The following UBE2C variants were observed in gnomAD, a reference collection of about 807,000 sequenced individuals.
UBE2C encodes the protein ubiquitin-conjugating enzyme E2 C.
A neutral mutation model predicts 23.5 loss-of-function variants in UBE2C; 16 were observed. The observed-to-expected ratio is 0.68, with a 90% CI of 0.46 to 1.03. UBE2C has a LOEUF of 1.03. UBE2C is among the 50% of genes least tolerant of loss of function. The pLI is 0.00. For synonymous variants in UBE2C, 76 were observed against 91.6 expected (o/e 0.83, Z 0.97); for missense variants, 192 against 227.6 (o/e 0.84, Z 1.01).
chr20:45,814,122 C>CAA (rs1254735702), intron 2 of UBE2C, among the ~76,000 whole-genome samples: 1 of 103,284 alleles, frequency 9.7e-6, no homozygotes, highest in East Asian at 2.3e-4. Flanking sequence ...CTATCTCTCT[C>CAA]TCTCAATCTC....
chr20:45,813,029 C>T, intron 1 of UBE2C: 1 of 1,425,312 alleles, frequency 7.0e-7, no homozygotes, highest in Non-Finnish European at 9.1e-7. Context: ...AGATGGGGGA[C>T]AGGCCAGGAG....
intron 1 of UBE2C, 80 bp downstream of exon 1, chr20:45,812,876 C>T: frequency 2.7e-6 from 4 of 1,467,692 alleles, no homozygotes; most frequent in Non-Finnish European, 3.6e-6. Context: ...CTAGGACCAC[C>T]CCCCGCCGCC....
chr20:45,814,732 T>C (rs956718926), intron 3 of UBE2C, among the ~76,000 whole-genome samples: 1 of 152,226 alleles, frequency 6.6e-6, no homozygotes, highest in Admixed American at 6.5e-5. Flanking sequence ...TAGGGCCAGA[T>C]CTCAAGAAGG....
intron 1 of UBE2C, 78 bp downstream of exon 1, chr20:45,812,874 A>AC (rs1982052774): frequency 1.4e-6 from 2 of 1,467,756 alleles, no homozygotes; most frequent in Non-Finnish European, 9.0e-7. Context: ...TTCTAGGACC[A>AC]CCCCCCGCCG....
At chr20:45,816,599 T>A in intron 5 of UBE2C, 110 bp from the exon 6 acceptor site, 1 of 929,774 alleles carries the variant, frequency 1.1e-6, no homozygotes, top group East Asian at 2.5e-5. Flanking sequence ...ATCATGCTAT[T>A]GCACTCCAGC....
intron 1 of UBE2C, 137 bp from the exon 2 acceptor site, chr20:45,813,300 C>A: frequency 3.2e-6 from 5 of 1,576,292 alleles, no homozygotes; most frequent in African/African-American, 1.4e-5. Context: ...GGTGAGTATA[C>A]CCTGAGCTGA....
chr20:45,815,769 C>A lies in UBE2C; in HGVS notation c.421+24C>A, dbSNP rs536559718. ...AGGTGACTTTAGAGACCACCCCTCC[C>A]CTCCATGCAACTTGGGAACCTGTCA... On this transcript the variant is annotated intron_variant, in intron 4 of 5. Coordinates refer to ENST00000356455, the MANE Select transcript of UBE2C (RefSeq NM_007019.4). 8.1e-5 allele frequency: 131 copies of A among 1,611,952 alleles called. 1 individual carries two copies. In the Middle Eastern group the frequency reaches 3.1e-3, roughly 39 times the overall value.
intron 2 of UBE2C, among the ~76,000 whole-genome samples, chr20:45,814,126 CAATCTCTCTCTCTCTCTCTCTATA>C (rs1349974650): frequency 2.2e-5 from 2 of 90,438 alleles, no homozygotes. Context: ...CTCTCTCTCT[CAATCTCTCTCTCTCTCTCTCTATA>C]TATATATATA....
rs192623396 is a variant in UBE2C, at chr20:45,816,915, C to T, written c.*148C>T. 9 of 606,394 alleles carry T rather than the reference C, an allele frequency of 1.5e-5. No individual in the cohort carries two copies. Among genetic ancestry groups the T allele is most frequent in the Non-Finnish European group, 1.9e-5 (7 of 361,818 alleles). 37.6% of individuals were successfully genotyped at this position (606,394 alleles called of 1,614,324 possible). A position where few individuals can be genotyped will look rare whatever the true frequency, so the allele number is the denominator to read the frequency against. On this transcript the variant is annotated 3_prime_UTR_variant, in exon 6 of 6. Transcript: ENST00000356455. ...CTTTTAAATTAAGCCTCGGTTGAGC[C>T]CTTGTATATTAAATAAATGCATTTT...
Position 45,814,395 on chromosome 20 carries a change from T to G in UBE2C, c.141T>G (p.Asp47Glu). 1 of 1,607,958 alleles carries G rather than the reference T, an allele frequency of 6.2e-7. No individual in the cohort carries two copies. The highest frequency in any genetic ancestry group is 1.1e-5 in the South Asian group (1 of 90,748). Residue 47 changes from aspartate (D) to glutamate (E), a missense_variant, in exon 3 of 6, where the codon GAT becomes GAG. Coordinates refer to ENST00000356455, the MANE Select transcript of UBE2C (RefSeq NM_007019.4). ...QELMTLMMSG[D>E]KGISAFPESD... ...TGTTTTCTCCCCAGATGTCTGGCGA[T>G]AAAGGGATTTCTGCCTTCCCTGAAT...
chr20:45,815,836 CTT>C lies in UBE2C; in HGVS notation c.422-16_422-15del, dbSNP rs1568716402. Reference sequence around the variant, plus strand: ...GCCTCTTCTACCGCCTTGACCTTCTCTTTCTCTCCACCCACAGAACCCAACAT... The same window carrying C: ...GCCTCTTCTACCGCCTTGACCTTCTCTCTCTCCACCCACAGAACCCAACAT... On this transcript the variant is annotated splice_polypyrimidine_tract_variant and intron_variant, in intron 4 of 5. Transcript: ENST00000356455. 3.7e-6 allele frequency: 6 copies of C among 1,614,006 alleles called. No individual in the cohort carries two copies. Among genetic ancestry groups the C allele is most frequent in the Non-Finnish European group, 5.1e-6 (6 of 1,179,996 alleles).
At chr20:45,816,002 G>A (rs775680293) in intron 5 of UBE2C, 89 bp downstream of exon 5, 61 of 1,454,962 alleles carry the variant, frequency 4.2e-5, no homozygotes, top group Admixed American at 2.0e-4. Context: ...ACTTGGGACC[G>A]GGTTGGTTGG....
rs763391914 is a variant in UBE2C, at chr20:45,815,907, C to A, written c.475C>A (p.Pro159Thr). ...ACATGCTGCCGAGCTCTGGAAAAAC[C>A]CCACAGGTGAGTCCTCAGTCCTTGA... ...NTHAAELWKNPTAFKKYLQET... is the reference protein window; with the variant it reads ...NTHAAELWKNTTAFKKYLQET... Residue 159 changes from proline (P) to threonine (T), a missense_variant, in exon 5 of 6, where the codon CCC becomes ACC. Pro to Thr is a conservative substitution (Grantham distance 38). Coordinates refer to ENST00000356455, the MANE Select transcript of UBE2C (RefSeq NM_007019.4). The A allele has an allele frequency of 1.2e-6, 2 of 1,614,010 alleles. No individual in the cohort carries two copies. The highest frequency in any genetic ancestry group is 1.6e-4 in the Middle Eastern group (1 of 6,062).
At chr20:45,814,221 C>CAT (rs71181863) in intron 2 of UBE2C, among the ~76,000 whole-genome samples, 163 bp from the exon 3 acceptor site, 3 of 142,824 alleles carry the variant, frequency 2.1e-5, no homozygotes, top group African/African-American at 8.2e-5. Flanking sequence ...TATATATACA[C>CAT]ATATATATGT....
chr20:45,812,977 G>T, intron 1 of UBE2C, 181 bp downstream of exon 1: 1 of 1,431,828 alleles, frequency 7.0e-7, no homozygotes, highest in Non-Finnish European at 9.1e-7. Context: ...CGAGGGCGGA[G>T]ACTTCCGGGA....
At chr20:45,814,146 CTATA>C (rs1555817446) in intron 2 of UBE2C, among the ~76,000 whole-genome samples, 11 of 133,898 alleles carry the variant, frequency 8.2e-5, no homozygotes, top group Admixed American at 2.9e-4. Flanking sequence ...CTCTCTCTCT[CTATA>C]TATATATATA....
chr20:45,815,768 C>A (rs760822195), intron 4 of UBE2C, 23 bp downstream of exon 4: 19 of 1,611,752 alleles, frequency 1.2e-5, no homozygotes, highest in Non-Finnish European at 1.7e-6. Flanking sequence ...ACCACCCCTC[C>A]CCTCCATGCA....
Position 45,813,457 on chromosome 20 carries a change from C to T in UBE2C, c.122C>T (p.Thr41Ile), listed in dbSNP as rs1423586972. Residue 41 changes from threonine to isoleucine, a missense_variant, in exon 2 of 6, where the codon ACC becomes ATC. Thr to Ile is a moderately conservative substitution (Grantham distance 89). Transcript: ENST00000356455. ...VGKRLQQELM[T>I]LMMSGDKGIS... ...TTCAGGCTACAGCAGGAGCTGATGACCCTCATGGTGAGTGATTAAGTGCCC... is the reference window on the plus strand; with the variant it reads ...TTCAGGCTACAGCAGGAGCTGATGATCCTCATGGTGAGTGATTAAGTGCCC... The T allele has an allele frequency of 6.2e-7, 1 of 1,613,998 alleles. No homozygotes were observed. The highest frequency in any genetic ancestry group is 8.5e-7 in the Non-Finnish European group (1 of 1,180,028).
At chr20:45,814,248 A>C (rs1424820263) in intron 2 of UBE2C, 136 bp from the exon 3 acceptor site, 1 of 361,280 alleles carries the variant, frequency 2.8e-6, no homozygotes, top group Non-Finnish European at 4.8e-6. Context: ...GTATACATAT[A>C]TATGTGTGTG....
Sources: gnomAD v4.1 joint callset for allele counts (sites outside exome capture counted in the v4.1 genomes callset) on GRCh38, gnomAD v4.1.1 for gene constraint, MANE v1.5 for transcripts, NCBI Gene and HGNC (gene_info 2026-07-23, HGNC 2026-07-21) for gene names.